COL22A1: variants seen among roughly 807,000 people sequenced by gnomAD.
COL22A1 encodes collagen alpha-1(XXII) chain.
Under a neutral mutation model 248.9 loss-of-function variants are expected in COL22A1, and 221 were observed. The ratio of observed to expected loss-of-function variants is 0.89; its 90% CI spans 0.80 to 0.99. The LOEUF (loss-of-function observed/expected upper bound fraction) is 0.99. Ranked by LOEUF, COL22A1 falls within the 50% of genes least tolerant of loss-of-function variation. The probability of loss-of-function intolerance (pLI) is 0.00; values close to 1 mark genes in which losing one functional copy is unlikely to be tolerated. For synonymous variants in COL22A1, 891 were observed against 793.4 expected, an observed-to-expected ratio of 1.12 and a Z score of -2.07; for missense variants, 2,240 against 2,179.0, an observed-to-expected ratio of 1.03 and a Z score of -0.56.
intron 3 of COL22A1, among the ~76,000 whole-genome samples, chr8:138,862,599 T>C (rs983036010): frequency 3.3e-5 from 5 of 152,168 alleles, no homozygotes; most frequent in African/African-American, 4.8e-5. Flanking sequence ...CCAGCTATAA[T>C]AGTCAGCTAT....
At chr8:138,592,471 T>C (rs947275716) in intron 63 of COL22A1, among the ~76,000 whole-genome samples, 1 of 152,246 alleles carries the variant, frequency 6.6e-6, no homozygotes, top group Non-Finnish European at 1.5e-5. Context: ...TGTTCTCTGT[T>C]TTATGCTTTC....
chr8:138,881,024 G>A (rs975880606), intron 2 of COL22A1, among the ~76,000 whole-genome samples: 1 of 152,224 alleles, frequency 6.6e-6, no homozygotes, highest in African/African-American at 2.4e-5. Context: ...ACCCGGGCAG[G>A]TGCCCTGGCT....
chr8:138,911,291 C>T (rs993347391), intron 1 of COL22A1, among the ~76,000 whole-genome samples: 4 of 152,236 alleles, frequency 2.6e-5, no homozygotes, highest in Non-Finnish European at 4.4e-5. Flanking sequence ...ACAGGGCAGC[C>T]CTCCAAATGG....
intron 11 of COL22A1, among the ~76,000 whole-genome samples, chr8:138,801,206 A>G (rs1816969335): frequency 6.6e-6 from 1 of 152,162 alleles, no homozygotes; most frequent in African/African-American, 2.4e-5. Flanking sequence ...CCAGATTAAA[A>G]CAGATGCAGG....
intron 45 of COL22A1, among the ~76,000 whole-genome samples, chr8:138,652,957 G>C (rs905507289): frequency 2.0e-5 from 3 of 151,806 alleles, no homozygotes; most frequent in African/African-American, 7.3e-5. Context: ...AAGTTGGCCA[G>C]GCTGATCTTG....
chr8:138,680,190 GCA>G (rs1825853706), intron 39 of COL22A1, among the ~76,000 whole-genome samples: 1 of 152,244 alleles, frequency 6.6e-6, no homozygotes, highest in Non-Finnish European at 1.5e-5. Context: ...AGAATCGGTA[GCA>G]CAGTGTCCAA....
intron 3 of COL22A1, among the ~76,000 whole-genome samples, chr8:138,871,245 C>T (rs13265526): frequency 0.36 from 54,844 of 151,966 alleles, 11,154 homozygotes; most frequent in African/African-American, 0.54. Flanking sequence ...GAGGTAGGCC[C>T]TCTTCCCGCT....
At chr8:138,892,022 T>G (rs1354912415) in intron 1 of COL22A1, among the ~76,000 whole-genome samples, 1 of 152,208 alleles carries the variant, frequency 6.6e-6, no homozygotes, top group Non-Finnish European at 1.5e-5. Context: ...TATTTTCATA[T>G]GTTGCTTGAT....
At chr8:138,759,344 G>A (rs7012142) in intron 18 of COL22A1, among the ~76,000 whole-genome samples, 80,913 of 152,066 alleles carry the variant, frequency 0.53, 24,224 homozygotes, top group East Asian at 0.8. Flanking sequence ...GCGGTGAGCC[G>A]CTCTGAGAAG....
At chr8:138,884,009 C>G (rs768492339) in intron 1 of COL22A1, among the ~76,000 whole-genome samples, 5 of 152,188 alleles carry the variant, frequency 3.3e-5, no homozygotes, top group Non-Finnish European at 5.9e-5. Flanking sequence ...CCATGCTGCA[C>G]TTGGTAGCCA....
chr8:138,699,399 C>G (rs1005639022), intron 32 of COL22A1, among the ~76,000 whole-genome samples: 18 of 152,358 alleles, frequency 1.2e-4, no homozygotes, highest in African/African-American at 3.8e-4. Flanking sequence ...CTCAGCCTCT[C>G]AGCTGTCCCG....
At chr8:138,691,546 C>T (rs1185219392) in intron 35 of COL22A1, among the ~76,000 whole-genome samples, 1 of 80,524 alleles carries the variant, frequency 1.2e-5, no homozygotes, top group African/African-American at 4.4e-5. Context: ...TGTGTATGTC[C>T]GTGTGTGCAT....
chr8:138,836,734 A>G (rs955578784), intron 4 of COL22A1, among the ~76,000 whole-genome samples: 1 of 152,224 alleles, frequency 6.6e-6, no homozygotes, highest in Non-Finnish European at 1.5e-5. Flanking sequence ...ACTGTTGATC[A>G]TATTTCCCCC....
Position 138,877,761 on chromosome 8 carries a change from C to G in COL22A1, c.647G>C (p.Arg216Pro). The G allele has an allele frequency of 6.3e-7, 1 of 1,584,678 alleles. No homozygotes were observed. Among genetic ancestry groups the G allele is most frequent in the Non-Finnish European group, 8.6e-7 (1 of 1,164,014 alleles). Reference protein sequence around the residue: ...IDKIRGKLRRRLCENVLCPSV... With the variant: ...IDKIRGKLRRPLCENVLCPSV... ...CCGGGCGCACTCACTTTCACAAAGACGGCGCCGCAGCTTGCCCCGGATCTT... is the reference window on the plus strand; with the variant it reads ...CCGGGCGCACTCACTTTCACAAAGAGGGCGCCGCAGCTTGCCCCGGATCTT... Residue 216 changes from arginine to proline, a missense_variant, in exon 3 of 65, where the codon CGT becomes CCT. Arg to Pro is a moderately radical substitution (Grantham distance 103). Transcript: ENST00000303045.
chr8:138,753,862 G>A (rs1832791730), intron 21 of COL22A1, among the ~76,000 whole-genome samples: 1 of 152,210 alleles, frequency 6.6e-6, no homozygotes, highest in Admixed American at 6.5e-5. Flanking sequence ...TGATTAAGCA[G>A]AGCTAGCTAT....
chr8:138,635,129 T>C (rs1821040359), intron 48 of COL22A1, 66 bp from the exon 49 acceptor site: 5 of 1,346,504 alleles, frequency 3.7e-6, no homozygotes, highest in Non-Finnish European at 5.2e-6. Flanking sequence ...TGTGCAAATA[T>C]CAAATTTCAG....
intron 3 of COL22A1, among the ~76,000 whole-genome samples, chr8:138,852,495 G>A (rs118177098): frequency 3.5e-4 from 54 of 152,304 alleles, no homozygotes; most frequent in Non-Finnish European, 7.4e-4. Flanking sequence ...GATGTCCTAT[G>A]GGTGCTCAGC....
intron 41 of COL22A1, among the ~76,000 whole-genome samples, chr8:138,671,086 C>G (rs1824987998): frequency 6.6e-6 from 1 of 150,422 alleles, no homozygotes; most frequent in South Asian, 2.1e-4. Context: ...CACTTCAATG[C>G]AGATTGTTTT....
At chr8:138,881,502 G>A (rs142845998) in intron 2 of COL22A1, among the ~76,000 whole-genome samples, 2 of 152,176 alleles carry the variant, frequency 1.3e-5, no homozygotes, top group African/African-American at 4.8e-5. Flanking sequence ...TGGCTAACAC[G>A]GTGAAACCCC....
Sources: gnomAD v4.1 joint callset for allele counts (sites outside exome capture counted in the v4.1 genomes callset) on GRCh38, gnomAD v4.1.1 for gene constraint, MANE v1.5 for transcripts, NCBI Gene and HGNC (gene_info 2026-07-23, HGNC 2026-07-21) for gene names.